PDE10A: variants seen among roughly 807,000 people sequenced by gnomAD.
PDE10A encodes the protein phosphodiesterase 10A.
Under a neutral mutation model 97.7 loss-of-function variants are expected in PDE10A, and 39 were observed. The ratio of observed to expected loss-of-function variants is 0.40; its 90% confidence interval spans 0.31 to 0.52. PDE10A has a LOEUF of 0.52. Among genes scored for constraint, PDE10A ranks in the 20% least tolerant of loss-of-function variants. The probability of loss-of-function intolerance (pLI) is 0.56; values close to 1 mark genes in which losing one functional copy is unlikely to be tolerated. For synonymous variants in PDE10A, 371 were observed against 376.8 expected, an observed-to-expected ratio of 0.98 and a Z score of 0.18; for missense variants, 731 against 1,047.8, an observed-to-expected ratio of 0.70 and a Z score of 4.17.
chr6:165,600,055 G>A (rs989230719), intron 1 of PDE10A, among the ~76,000 whole-genome samples: 10 of 152,094 alleles, frequency 6.6e-5, no homozygotes, highest in African/African-American at 1.4e-4. Context: ...CAGTCCGACC[G>A]GGGAATCCTC....
chr6:165,515,138 G>A (rs1019598207), intron 2 of PDE10A, among the ~76,000 whole-genome samples: 2 of 152,118 alleles, frequency 1.3e-5, no homozygotes, highest in African/African-American at 2.4e-5. Flanking sequence ...TATTCTCTCA[G>A]GAGTGAACAC....
chr6:165,448,696 C>G (rs1403245564), intron 5 of PDE10A, among the ~76,000 whole-genome samples: 1 of 145,808 alleles, frequency 6.9e-6, no homozygotes, highest in Non-Finnish European at 1.5e-5. Context: ...TACCACAAAC[C>G]AAAGCCAAAG....
chr6:165,599,678 T>C (rs1053571624), intron 1 of PDE10A, among the ~76,000 whole-genome samples: 1 of 152,194 alleles, frequency 6.6e-6, no homozygotes, highest in Admixed American at 6.5e-5. Context: ...TTTGTTATTA[T>C]CATGTGAGCA....
At chr6:165,861,745 T>C (rs552372991) in intron 1 of PDE10A, among the ~76,000 whole-genome samples, 4 of 152,006 alleles carry the variant, frequency 2.6e-5, no homozygotes, top group African/African-American at 9.6e-5. Flanking sequence ...CTGCGAGAAG[T>C]TAGGGGATCT....
At chr6:165,647,857 A>C (rs1282594097) in intron 1 of PDE10A, among the ~76,000 whole-genome samples, 1 of 152,192 alleles carries the variant, frequency 6.6e-6, no homozygotes, top group Non-Finnish European at 1.5e-5. Flanking sequence ...CACTATTGCA[A>C]ACACTTGCTA....
chr6:165,968,290 G>A (rs1784571241), intron 1 of PDE10A, among the ~76,000 whole-genome samples: 1 of 152,212 alleles, frequency 6.6e-6, no homozygotes, highest in African/African-American at 2.4e-5. Context: ...AACCATCGCA[G>A]GTCATTGTAT....
chr6:165,470,874 ACATGCTGT>A (rs1184886992), intron 3 of PDE10A, among the ~76,000 whole-genome samples: 4 of 152,180 alleles, frequency 2.6e-5, no homozygotes, highest in Non-Finnish European at 5.9e-5. Context: ...AAATATATAA[ACATGCTGT>A]CATTTATCCC....
intron 1 of PDE10A, among the ~76,000 whole-genome samples, chr6:165,625,860 C>T (rs1389013828): frequency 2.6e-5 from 4 of 152,146 alleles, no homozygotes; most frequent in African/African-American, 4.8e-5. Flanking sequence ...AGCATGGAAA[C>T]GGACTCACAC....
At chr6:165,512,882 C>T (rs1209411966) in intron 2 of PDE10A, among the ~76,000 whole-genome samples, 2 of 151,948 alleles carry the variant, frequency 1.3e-5, no homozygotes, top group Non-Finnish European at 2.9e-5. Flanking sequence ...TTAATGAGTA[C>T]AGAGTAGTAT....
At chr6:165,672,016 A>G (rs1790660742) in intron 1 of PDE10A, among the ~76,000 whole-genome samples, 1 of 152,216 alleles carries the variant, frequency 6.6e-6, no homozygotes, top group Non-Finnish European at 1.5e-5. Flanking sequence ...GTCTTATCTT[A>G]CGTTTTTGAA....
intron 1 of PDE10A, among the ~76,000 whole-genome samples, chr6:165,724,526 C>T (rs146087505): frequency 7.9e-5 from 12 of 152,354 alleles, no homozygotes; most frequent in Non-Finnish European, 1.6e-4. Flanking sequence ...ATTATTAGAG[C>T]TCCCTTTTGA....
intron 16 of PDE10A, among the ~76,000 whole-genome samples, chr6:165,390,718 G>A (rs562418596): frequency 6.6e-6 from 1 of 152,270 alleles, no homozygotes; most frequent in South Asian, 2.1e-4. Context: ...GACAGATGGG[G>A]GTGCTGCGAT....
intron 1 of PDE10A, among the ~76,000 whole-genome samples, chr6:165,979,705 G>A (rs1318043113): frequency 2.6e-5 from 4 of 152,170 alleles, no homozygotes; most frequent in Admixed American, 1.3e-4. Context: ...AAATGTCACA[G>A]TTAAGACACC....
intron 1 of PDE10A, among the ~76,000 whole-genome samples, chr6:165,852,029 G>T (rs1171987407): frequency 6.6e-6 from 1 of 152,172 alleles, no homozygotes; most frequent in Non-Finnish European, 1.5e-5. Context: ...ATTTCCCCAA[G>T]AATCCACATT....
chr6:165,705,418 C>T (rs1230776461), intron 1 of PDE10A, among the ~76,000 whole-genome samples: 1 of 152,206 alleles, frequency 6.6e-6, no homozygotes, highest in African/African-American at 2.4e-5. Flanking sequence ...AGTTCTTGTA[C>T]AGTTTTCTAA....
chr6:165,402,503 C>G (rs1786746813), intron 13 of PDE10A, among the ~76,000 whole-genome samples: 1 of 152,010 alleles, frequency 6.6e-6, no homozygotes, highest in African/African-American at 2.4e-5. Context: ...AGGTAGAAAA[C>G]TATGTTGTCT....
At chr6:165,806,659 A>G (rs1172397988) in intron 1 of PDE10A, among the ~76,000 whole-genome samples, 3 of 129,740 alleles carry the variant, frequency 2.3e-5, no homozygotes, top group Non-Finnish European at 3.4e-5. Context: ...GCCCCCCCCC[A>G]GGCTCTTCTT....
At chr6:165,401,817 A>G (rs1359617651) in intron 13 of PDE10A, among the ~76,000 whole-genome samples, 1 of 152,180 alleles carries the variant, frequency 6.6e-6, no homozygotes, top group African/African-American at 2.4e-5. Flanking sequence ...ATCAATAAAA[A>G]ATTATTTAAT....
chr6:165,878,264 A>C (rs1234592735), intron 1 of PDE10A, among the ~76,000 whole-genome samples: 1 of 152,198 alleles, frequency 6.6e-6, no homozygotes, highest in East Asian at 1.9e-4. Flanking sequence ...TCTTTGTTGA[A>C]TATTTCCCCC....
Sources: allele counts gnomAD v4.1 joint callset (sites outside exome capture counted in the v4.1 genomes callset), GRCh38; gene constraint gnomAD v4.1.1; transcripts MANE v1.5; gene names NCBI Gene and HGNC (gene_info 2026-07-23, HGNC 2026-07-21).